KLF12: variants seen among roughly 807,000 people sequenced by gnomAD.
KLF12 encodes KLF transcription factor 12, also known as Krueppel-like factor 12.
Under a neutral mutation model 37.8 loss-of-function variants are expected in KLF12, and 9 were observed. The ratio of observed to expected loss-of-function variants is 0.24; its 90% CI spans 0.14 to 0.42. KLF12 has a LOEUF of 0.42. Among genes scored for constraint, KLF12 ranks in the 10% least tolerant of loss-of-function variants. The pLI is 1.00. For synonymous variants in KLF12, 208 were observed against 202.1 expected (o/e 1.03, Z -0.25); for missense variants, 411 against 516.0 (o/e 0.80, Z 1.97).
chr13:74,107,778 G>T (rs754784733), intron 1 of KLF12, among the ~76,000 whole-genome samples: 4 of 152,148 alleles, frequency 2.6e-5, no homozygotes, highest in Admixed American at 1.3e-4. Flanking sequence ...ACCTCAACTG[G>T]GTCAGAGCAG....
the KLF12 span, among the ~76,000 whole-genome samples, chr13:74,143,844 C>G: frequency 9.2e-5 from 14 of 152,236 alleles, no homozygotes; most frequent in Admixed American, 6.5e-4. Flanking sequence ...TTAAAACAGG[C>G]TTTGTGTTAG....
chr13:73,963,089 G>T (rs80195013), intron 2 of KLF12, among the ~76,000 whole-genome samples: 11,999 of 152,128 alleles, frequency 0.079, 652 homozygotes, highest in Non-Finnish European at 0.11. Flanking sequence ...ATATCATTCT[G>T]CATTTAATCA....
the KLF12 span, among the ~76,000 whole-genome samples, chr13:74,275,855 T>G: frequency 8.1e-6 from 1 of 123,710 alleles, no homozygotes; most frequent in South Asian, 2.6e-4. Context: ...TCTTTCTTTC[T>G]TTCTTTCTTT....
the KLF12 span, among the ~76,000 whole-genome samples, chr13:74,219,733 A>G: frequency 6.6e-6 from 1 of 152,246 alleles, no homozygotes; most frequent in Non-Finnish European, 1.5e-5. Context: ...TAGAATTCAC[A>G]TTAGCCCATT....
chr13:73,870,471 C>G (rs1886407636), intron 3 of KLF12, among the ~76,000 whole-genome samples: 1 of 152,116 alleles, frequency 6.6e-6, no homozygotes, highest in Non-Finnish European at 1.5e-5. Context: ...AAGTCCATGC[C>G]TTGGTATTTA....
chr13:73,765,523 T>C (rs939001229), intron 5 of KLF12, among the ~76,000 whole-genome samples: 1 of 152,118 alleles, frequency 6.6e-6, no homozygotes, highest in Non-Finnish European at 1.5e-5. Context: ...CAGGTACTCC[T>C]AGGAGGAGTA....
chr13:73,886,666 T>C (rs1044209803), intron 3 of KLF12, among the ~76,000 whole-genome samples: 5 of 152,222 alleles, frequency 3.3e-5, no homozygotes, highest in South Asian at 4.1e-4. Context: ...AACAAATCCA[T>C]TGGATACTTC....
chr13:74,089,803 GAAA>G (rs35244601), intron 1 of KLF12, among the ~76,000 whole-genome samples: 2,346 of 117,772 alleles, frequency 0.02, 18 homozygotes, highest in East Asian at 0.03. Flanking sequence ...CATGCAGGGG[GAAA>G]AAAAAAAAAA....
At chr13:74,055,661 G>A (rs1414402829) in intron 1 of KLF12, among the ~76,000 whole-genome samples, 2 of 152,024 alleles carry the variant, frequency 1.3e-5, no homozygotes, top group Non-Finnish European at 2.9e-5. Flanking sequence ...CTCTTACCAC[G>A]GACAGTCAAG....
chr13:73,905,986 G>T (rs1417281032), intron 3 of KLF12, among the ~76,000 whole-genome samples: 2 of 152,008 alleles, frequency 1.3e-5, no homozygotes, highest in African/African-American at 2.4e-5. Context: ...CTTAATATCA[G>T]ATCATTCATT....
chr13:73,965,995 C>A (rs2138070352), intron 2 of KLF12, among the ~76,000 whole-genome samples: 1 of 152,308 alleles, frequency 6.6e-6, no homozygotes, highest in South Asian at 2.1e-4. Flanking sequence ...ATGTACCTTT[C>A]AATCTAGCAA....
the KLF12 span, among the ~76,000 whole-genome samples, chr13:74,269,519 G>A: frequency 6.6e-6 from 1 of 152,106 alleles, no homozygotes; most frequent in South Asian, 2.1e-4. Flanking sequence ...TGTATATAAT[G>A]GGACTCTGGA....
chr13:73,860,424 T>C (rs1948797151), intron 3 of KLF12, among the ~76,000 whole-genome samples: 1 of 152,074 alleles, frequency 6.6e-6, no homozygotes, highest in South Asian at 2.1e-4. Context: ...CCAAAGGCCT[T>C]ACTGGGTCTC....
chr13:73,733,555 C>A (rs535883840), intron 6 of KLF12, among the ~76,000 whole-genome samples: 1 of 152,264 alleles, frequency 6.6e-6, no homozygotes, highest in African/African-American at 2.4e-5. Flanking sequence ...CTCACACACA[C>A]ACTTTATCCT....
the KLF12 span, among the ~76,000 whole-genome samples, chr13:74,239,309 T>C: frequency 2.6e-5 from 4 of 150,970 alleles, no homozygotes; most frequent in Non-Finnish European, 4.4e-5. Context: ...TGAGAGATAG[T>C]TTGTTATAAT....
chr13:74,245,310 T>C, the KLF12 span, among the ~76,000 whole-genome samples: 2 of 145,784 alleles, frequency 1.4e-5, no homozygotes, highest in African/African-American at 5.5e-5. Flanking sequence ...TCTATCTATC[T>C]ATCTATCTAT....
intron 3 of KLF12, among the ~76,000 whole-genome samples, chr13:73,890,958 C>T (rs1378980721): frequency 6.6e-6 from 1 of 151,970 alleles, no homozygotes; most frequent in Non-Finnish European, 1.5e-5. Flanking sequence ...AATTGATCTT[C>T]AAATTTTGCC....
At chr13:73,904,395 GAAT>G (rs999443546) in intron 3 of KLF12, among the ~76,000 whole-genome samples, 42 of 149,548 alleles carry the variant, frequency 2.8e-4, no homozygotes, top group African/African-American at 1.0e-3. Flanking sequence ...GGAGAAGAGA[GAAT>G]AATGTGCTAT....
At chr13:73,732,618 A>C (rs1239255111) in intron 6 of KLF12, among the ~76,000 whole-genome samples, 1 of 152,098 alleles carries the variant, frequency 6.6e-6, no homozygotes, top group African/African-American at 2.4e-5. Flanking sequence ...TGACCTCTCA[A>C]TGTTGGAGGT....
Sources: allele counts gnomAD v4.1 joint callset (sites outside exome capture counted in the v4.1 genomes callset), GRCh38; gene constraint gnomAD v4.1.1; transcripts MANE v1.5; gene names NCBI Gene and HGNC (gene_info 2026-07-23, HGNC 2026-07-21).